FOXL2NB: variants seen among roughly 807,000 people sequenced by gnomAD.
FOXL2NB encodes FOXL2 neighbor, also known as FOXL2 neighbor protein.
FOXL2NB carries 10 observed loss-of-function variants against 7.4 expected under a neutral mutation model. The ratio of observed to expected loss-of-function variants is 1.34; its 90% CI spans 0.83 to 2.28. The LOEUF (loss-of-function observed/expected upper bound fraction) is 2.28. FOXL2NB is among the 30% of genes most tolerant of loss of function. The pLI is 0.00. For synonymous variants in FOXL2NB, 104 were observed against 105.3 expected, an observed-to-expected ratio of 0.99 and a Z score of 0.08; for missense variants, 228 against 233.9, an observed-to-expected ratio of 0.97 and a Z score of 0.17.
chr3:138,951,181 G>T lies in FOXL2NB; in HGVS notation c.*609G>T, dbSNP rs978363228. On this transcript the variant is annotated 3_prime_UTR_variant, in exon 3 of 3. Transcript: ENST00000383165. Reference sequence around the variant, plus strand: ...ATAGCACCAGGTCTGAAGCCAGTGGGTATTAGTCTGCCTGGTTGGGATTAG... The same window carrying T: ...ATAGCACCAGGTCTGAAGCCAGTGGTTATTAGTCTGCCTGGTTGGGATTAG... The T allele has an allele frequency of 1.3e-5, 2 of 152,838 alleles. No homozygotes were observed. The highest frequency in any genetic ancestry group is 4.8e-5 in the African/African-American group (2 of 41,474). 9.5% of individuals were successfully genotyped at this position (152,838 alleles called of 1,614,324 possible).
In FOXL2NB at chr3:138,947,817, G is replaced by A. The variant is rs1936021407; in HGVS notation, c.100+353G>A. The A allele has an allele frequency of 9.5e-7, 1 of 1,049,686 alleles. No homozygotes were observed. Among genetic ancestry groups the A allele is most frequent in the Non-Finnish European group, 1.1e-6 (1 of 871,296 alleles). 65.0% of individuals were successfully genotyped at this position (1,049,686 alleles called of 1,614,324 possible). A position where few individuals can be genotyped will look rare whatever the true frequency, so the allele number is the denominator to read the frequency against. Reference sequence around the variant, plus strand: ...CTAATCCTACGGGGTTGGAGTGAAGGTTGGATGTGTGCTTTAACAGCACCA... The same window carrying A: ...CTAATCCTACGGGGTTGGAGTGAAGATTGGATGTGTGCTTTAACAGCACCA... On this transcript the variant is annotated intron_variant, in intron 1 of 2. Transcript: ENST00000383165. This position sits in a 1 kb window ranked among gnomAD's most constrained non-coding sequence, Gnocchi z 5.2.
chr3:138,947,651 CT>C lies in FOXL2NB; in HGVS notation c.100+188del. The C allele has an allele frequency of 7.3e-7, 1 of 1,368,910 alleles. No individual in the cohort carries two copies. The allele number at this position is 1,368,910 out of a possible 1,614,324, so 84.8% of individuals were successfully genotyped here. A position where few individuals can be genotyped will look rare whatever the true frequency, so the allele number is the denominator to read the frequency against. On this transcript the variant is annotated intron_variant, in intron 1 of 2. Coordinates refer to ENST00000383165, the MANE Select transcript of FOXL2NB (RefSeq NM_001040061.3). This position sits in a 1 kb window ranked among gnomAD's most constrained non-coding sequence, Gnocchi z 5.2. ...CTGTACGAAGAAGCCTCGGCCTGGC[CT>C]GTCCCTCGCGCTCTCAGAGTGACTG...
Position 138,947,302 on chromosome 3 carries a change from C to G in FOXL2NB, c.-63C>G. 1 of 1,359,998 alleles carries G rather than the reference C, an allele frequency of 7.4e-7. No homozygotes were observed. The highest frequency in any genetic ancestry group is 1.0e-6 in the Non-Finnish European group (1 of 987,760). 84.2% of individuals were successfully genotyped at this position (1,359,998 alleles called of 1,614,324 possible). On this transcript the variant is annotated 5_prime_UTR_variant, in exon 1 of 3. Transcript: ENST00000383165. This position sits in a 1 kb window ranked among gnomAD's most constrained non-coding sequence, Gnocchi z 5.2. ...GCCCAGCGAGCCTCAGGGGCCCAGC[C>G]GACAGCCAGGCTCACGCGCCCTTGA...
chr3:138,950,393 C>T lies in FOXL2NB; in HGVS notation c.349C>T (p.Arg117Cys). 6.2e-7 allele frequency: 1 copy of T among 1,613,204 alleles called. No homozygotes were observed. The highest frequency in any genetic ancestry group is 1.7e-4 in the Middle Eastern group (1 of 6,024). The change falls in exon 3 of 3, where the codon CGC becomes TGC. Residue 117 changes from arginine (R) to cysteine (C), a missense_variant. Physicochemically the swap from Arg to Cys is radical, Grantham distance 180. Coordinates refer to ENST00000383165, the MANE Select transcript of FOXL2NB (RefSeq NM_001040061.3). ...SASLEPLSSS[R>C]AAAGCLNQVP... ...TTCGCTAGAACCACTCAGCTCGTCC[C>T]GCGCCGCCGCCGGCTGCCTGAACCA...
chr3:138,950,043 G>A (rs1223033241), intron 2 of FOXL2NB: 2 of 709,122 alleles, frequency 2.8e-6, no homozygotes, highest in East Asian at 2.7e-5. Flanking sequence ...CTGCCTCTTT[G>A]CCCCAGTTTT....
Position 138,949,189 on chromosome 3 carries a change from T to G in FOXL2NB, c.101-331T>G, listed in dbSNP as rs1260433351. Reference sequence around the variant, plus strand: ...TCCTGGTGGGGGCTCCTCTCTCCTTTTCTCTCCTTTTTTTTTTTCTTGACC... The same window carrying G: ...TCCTGGTGGGGGCTCCTCTCTCCTTGTCTCTCCTTTTTTTTTTTCTTGACC... On this transcript the variant is annotated intron_variant, in intron 1 of 2. Transcript: ENST00000383165. The surrounding 1 kb of genome is among the most constrained non-coding windows in gnomAD (Gnocchi z 4.5). 6.6e-6 allele frequency among the ~76,000 whole-genome samples: 1 copy of G among 151,146 alleles called. No homozygotes were observed. Among genetic ancestry groups the G allele is most frequent in the African/African-American group, 2.4e-5 (1 of 41,064 alleles).
At position 138,947,284 on chromosome 3, in the gene FOXL2NB, G is replaced by C. The variant is rs1449939294; in HGVS notation, c.-81G>C. 7.9e-6 allele frequency: 9 copies of C among 1,142,124 alleles called. No individual in the cohort carries two copies. The highest frequency in any genetic ancestry group is 1.1e-5 in the Non-Finnish European group (9 of 799,614). 70.7% of individuals were successfully genotyped at this position (1,142,124 alleles called of 1,614,324 possible). ...CTGGACCGGCCTGCCCCCGCCCAGC[G>C]AGCCTCAGGGGCCCAGCCGACAGCC... is the stretch of plus-strand genomic sequence containing the variant. On this transcript the variant is annotated 5_prime_UTR_variant, in exon 1 of 3. Coordinates refer to ENST00000383165, the MANE Select transcript of FOXL2NB (RefSeq NM_001040061.3). This position sits in a 1 kb window ranked among gnomAD's most constrained non-coding sequence, Gnocchi z 5.2.
At position 138,949,672 on chromosome 3, in the gene FOXL2NB, T is replaced by C. The variant is rs1936076490; in HGVS notation, c.220+33T>C. On this transcript the variant is annotated intron_variant, in intron 2 of 2. Coordinates refer to ENST00000383165, the MANE Select transcript of FOXL2NB (RefSeq NM_001040061.3). This position sits in a 1 kb window ranked among gnomAD's most constrained non-coding sequence, Gnocchi z 4.5. ...AATGCGGGCGGGAAAGCTGGCAGAA[T>C]GATTACTTTCAGGTCCCCTCCAGGC... The C allele has an allele frequency of 6.2e-7, 1 of 1,613,754 alleles. No individual in the cohort carries two copies. The highest frequency in any genetic ancestry group is 1.1e-5 in the South Asian group (1 of 91,084).
At position 138,950,487 on chromosome 3, in the gene FOXL2NB, G is replaced by T; in HGVS notation, c.443G>T (p.Arg148Ile). ...TRRLPAPERE[R>I]IELAATLCLE... Reference sequence around the variant, plus strand: ...CGGCTTCCCGCTCCTGAGCGGGAGAGAATAGAGCTTGCTGCAACCCTCTGC... The same window carrying T: ...CGGCTTCCCGCTCCTGAGCGGGAGATAATAGAGCTTGCTGCAACCCTCTGC... Residue 148 changes from arginine (R) to isoleucine (I), a missense_variant, in exon 3 of 3, where the codon AGA (arginine) becomes ATA (isoleucine). Transcript: ENST00000383165. The T allele has an allele frequency of 1.2e-6, 2 of 1,614,228 alleles. No homozygotes were observed. Among genetic ancestry groups the T allele is most frequent in the South Asian group, 2.2e-5 (2 of 91,084 alleles).
chr3:138,947,491 G>A lies in FOXL2NB; in HGVS notation c.100+27G>A. The A allele has an allele frequency of 1.3e-6, 2 of 1,523,910 alleles. No individual in the cohort carries two copies. The highest frequency in any genetic ancestry group is 1.8e-6 in the Non-Finnish European group (2 of 1,129,702). The allele number at this position is 1,523,910 out of a possible 1,614,324, so 94.4% of individuals were successfully genotyped here. A position where few individuals can be genotyped will look rare whatever the true frequency, so the allele number is the denominator to read the frequency against. The stretch of plus-strand genomic sequence containing the variant: ...TGAAAGAAAACGACTCCTTTGCTCT[G>A]CCGTTTGCTGCCGTCTTGAGGCTGA... On this transcript the variant is annotated intron_variant, in intron 1 of 2. Coordinates refer to ENST00000383165, the MANE Select transcript of FOXL2NB (RefSeq NM_001040061.3). The surrounding 1 kb of genome is among the most constrained non-coding windows in gnomAD (Gnocchi z 5.2).
rs1936115471 is a variant in FOXL2NB, at chr3:138,950,732, A to C, written c.*160A>C. 1.3e-5 allele frequency: 9 copies of C among 701,566 alleles called. No individual in the cohort carries two copies. Among genetic ancestry groups the C allele is most frequent in the East Asian group, 8.5e-5 (3 of 35,418 alleles). 43.5% of individuals were successfully genotyped at this position (701,566 alleles called of 1,614,324 possible). A position where few individuals can be genotyped will look rare whatever the true frequency, so the allele number is the denominator to read the frequency against. On this transcript the variant is annotated 3_prime_UTR_variant, in exon 3 of 3. Transcript: ENST00000383165. ...TCTCCTTCTCCCTCTGTCAACTCCA[A>C]ATCCCCTCTAGTTCTCCCTCCCCTC...
rs538538293 is a variant in FOXL2NB at position 138,947,706 on chromosome 3, C to T, written c.100+242C>T. The stretch of plus-strand genomic sequence containing the variant: ...TGGAATGGGGCAGGGGAGAGGATCT[C>T]TGGAAATAGTCGTCAGGGGCGCCGC... On this transcript the variant is annotated intron_variant, in intron 1 of 2. Transcript: ENST00000383165. The surrounding 1 kb of genome is among the most constrained non-coding windows in gnomAD (Gnocchi z 5.2). 3.3e-4 allele frequency: 408 copies of T among 1,252,832 alleles called. No individual in the cohort carries two copies. Among genetic ancestry groups the T allele is most frequent in the Non-Finnish European group, 3.9e-4 (391 of 999,082 alleles). 77.6% of individuals were successfully genotyped at this position (1,252,832 alleles called of 1,614,324 possible).
intron 1 of FOXL2NB, among the ~76,000 whole-genome samples, chr3:138,948,242 C>G (rs1260428792): frequency 1.3e-5 from 2 of 152,158 alleles, no homozygotes; most frequent in East Asian, 3.8e-4. Flanking sequence ...GGAAGACAAA[C>G]ATCAGGCTGA....
rs560078523 is a variant in FOXL2NB, at chr3:138,950,625, G to A, written c.*53G>A. 16 of 1,597,772 alleles carry A rather than the reference G, an allele frequency of 1.0e-5. No homozygotes were observed. The East Asian group carries it at 2.9e-4, about 29-fold the overall frequency. ...CAACTGTCAGCACTCACTCCCTCCC[G>A]GCCCCTCACAGGGCCCTTTGCACCC... On this transcript the variant is annotated 3_prime_UTR_variant, in exon 3 of 3. Transcript: ENST00000383165.
Position 138,947,556 on chromosome 3 carries a change from G to A in FOXL2NB, c.100+92G>A. On this transcript the variant is annotated intron_variant, in intron 1 of 2. Transcript: ENST00000383165. The surrounding 1 kb of genome is among the most constrained non-coding windows in gnomAD (Gnocchi z 5.2). ...GCTGGGGAGGGGCGAGACGGCGAGG[G>A]GGCTGGACGGGGTAGGGTGGGGAGA... is the stretch of plus-strand genomic sequence containing the variant. The A allele has an allele frequency of 2.0e-6, 3 of 1,479,256 alleles. No individual in the cohort carries two copies. Among genetic ancestry groups the A allele is most frequent in the Non-Finnish European group, 9.0e-7 (1 of 1,108,488 alleles). 91.6% of individuals were successfully genotyped at this position (1,479,256 alleles called of 1,614,324 possible).
intron 2 of FOXL2NB, 21 bp from the exon 3 acceptor site, chr3:138,950,244 T>C (rs1397845999): frequency 6.2e-7 from 1 of 1,603,900 alleles, no homozygotes; most frequent in Non-Finnish European, 8.5e-7. Context: ...ACGGCTCTGA[T>C]ACAGACGCTT....
Position 138,950,729 on chromosome 3 carries a change from C to G in FOXL2NB, c.*157C>G. 5.5e-6 allele frequency: 4 copies of G among 727,972 alleles called. No homozygotes were observed. The highest frequency in any genetic ancestry group is 9.1e-6 in the Non-Finnish European group (4 of 438,852). The allele number at this position is 727,972 out of a possible 1,614,324, so 45.1% of individuals were successfully genotyped here. A position where few individuals can be genotyped will look rare whatever the true frequency, so the allele number is the denominator to read the frequency against. ...CTCTCTCCTTCTCCCTCTGTCAACT[C>G]CAAATCCCCTCTAGTTCTCCCTCCC... On this transcript the variant is annotated 3_prime_UTR_variant, in exon 3 of 3. Coordinates refer to ENST00000383165, the MANE Select transcript of FOXL2NB (RefSeq NM_001040061.3).
In FOXL2NB at chr3:138,950,704, C is replaced by A; in HGVS notation, c.*132C>A. ...TCAGGTCACGTTACTCCATCCACTT[C>A]TCTCTCCTTCTCCCTCTGTCAACTC... On this transcript the variant is annotated 3_prime_UTR_variant, in exon 3 of 3. Transcript: ENST00000383165. The A allele has an allele frequency of 1.1e-6, 1 of 889,710 alleles. No homozygotes were observed. Among genetic ancestry groups the A allele is most frequent in the Non-Finnish European group, 1.8e-6 (1 of 568,156 alleles). The allele number at this position is 889,710 out of a possible 1,614,324, so 55.1% of individuals were successfully genotyped here.
intron 1 of FOXL2NB, chr3:138,948,061 T>C: frequency 1.3e-6 from 1 of 790,710 alleles, no homozygotes; most frequent in Non-Finnish European, 1.5e-6. Flanking sequence ...AACACACTTA[T>C]ACTGATAGTT....
Sources: gnomAD v4.1 joint callset for allele counts (sites outside exome capture counted in the v4.1 genomes callset) on GRCh38, gnomAD v4.1.1 for gene constraint, Gnocchi (gnomAD v3.1) non-coding constraint, MANE v1.5 for transcripts, NCBI Gene and HGNC (gene_info 2026-07-23, HGNC 2026-07-21) for gene names.